The following NEGR1 variants were observed in gnomAD, a reference collection of about 807,000 sequenced individuals.
NEGR1 encodes the protein neuronal growth regulator 1.
A neutral mutation model predicts 40.9 loss-of-function variants in NEGR1; 10 were observed. The ratio of observed to expected loss-of-function variants is 0.24; its 90% CI spans 0.15 to 0.42. The LOEUF (loss-of-function observed/expected upper bound fraction) is 0.42. Among genes scored for constraint, NEGR1 ranks in the 10% least tolerant of loss-of-function variants. The pLI is 1.00. For synonymous variants in NEGR1, 185 were observed against 166.8 expected (o/e 1.11, Z -0.84); for missense variants, 352 against 438.9 (o/e 0.80, Z 1.77).
At chr1:71,440,302 A>T (rs1277488320) in intron 6 of NEGR1, among the ~76,000 whole-genome samples, 2 of 152,216 alleles carry the variant, frequency 1.3e-5, no homozygotes, top group Non-Finnish European at 2.9e-5. Flanking sequence ...ATGAGCATTG[A>T]TTCAATTTAC....
chr1:72,229,109 T>C (rs948770343), intron 1 of NEGR1, among the ~76,000 whole-genome samples: 1 of 152,058 alleles, frequency 6.6e-6, no homozygotes, highest in Admixed American at 6.6e-5. Flanking sequence ...CATTCCGTTA[T>C]ATGTAGGTTA....
chr1:72,135,211 C>A (rs1215611459), intron 1 of NEGR1, among the ~76,000 whole-genome samples: 2 of 149,488 alleles, frequency 1.3e-5, no homozygotes, highest in Non-Finnish European at 3.0e-5. Context: ...CCCGTCTGTA[C>A]TAAAAATACA....
chr1:72,234,183 C>T (rs188103746), intron 1 of NEGR1, among the ~76,000 whole-genome samples: 36 of 152,100 alleles, frequency 2.4e-4, no homozygotes, highest in East Asian at 2.3e-3. Context: ...CTCCTCCATG[C>T]GTTCATGTAT....
chr1:71,705,747 A>G (rs1334425173), intron 3 of NEGR1, among the ~76,000 whole-genome samples: 1 of 151,860 alleles, frequency 6.6e-6, no homozygotes, highest in Non-Finnish European at 1.5e-5. Flanking sequence ...AAAAGAAAGA[A>G]AAGAAAATAA....
At position 71,582,815 on chromosome 1, in the gene NEGR1, G is replaced by A. The variant is rs75065394; in HGVS notation, c.940+10002C>T. On this transcript the variant is annotated intron_variant, in intron 6 of 6. Transcript: ENST00000357731. Reference sequence around the variant, plus strand: ...GCACTCCAGGGCTAAAGCTGAAAGCGCACAGAATTGCCTGAGTAATTCAAT... The same window carrying A: ...GCACTCCAGGGCTAAAGCTGAAAGCACACAGAATTGCCTGAGTAATTCAAT... Among the ~76,000 whole-genome samples the A allele has an allele frequency of 8.1e-3, 1,229 of 152,318 alleles. 20 individuals carry two copies. Among genetic ancestry groups the A allele is most frequent in the African/African-American group, 0.028 (1,167 of 41,560 alleles).
intron 1 of NEGR1, among the ~76,000 whole-genome samples, chr1:72,016,007 A>G (rs1445232721): frequency 2.0e-5 from 3 of 152,160 alleles, no homozygotes; most frequent in Non-Finnish European, 4.4e-5. Context: ...AGTGACTTCT[A>G]TTTTAAGTTA....
rs1296538068 is a variant in NEGR1 at position 71,399,925 on chromosome 1, G to A, written c.*7521C>T. The stretch of plus-strand genomic sequence containing the variant: ...GCTTTAGCATATTATAGTCTTCAAC[G>A]AATATTTTGTAAGTTTTTTTTCTAA... On this transcript the variant is annotated 3_prime_UTR_variant, in exon 7 of 7. Transcript: ENST00000357731. 1 of 152,098 alleles carries A rather than the reference G, an allele frequency of 6.6e-6. No individual in the cohort carries two copies. The highest frequency in any genetic ancestry group is 1.9e-4 in the East Asian group (1 of 5,184). The allele number at this position is 152,098 out of a possible 1,614,324, so 9.4% of individuals were successfully genotyped here. A position where few individuals can be genotyped will look rare whatever the true frequency, so the allele number is the denominator to read the frequency against.
Position 71,664,780 on chromosome 1 carries a change from C to T in NEGR1, c.667+33228G>A, listed in dbSNP as rs145991038. Among the ~76,000 whole-genome samples, 729 of 152,068 alleles carry T rather than the reference C, an allele frequency of 4.8e-3. 1 individual carries two copies. The highest frequency in any genetic ancestry group is 6.8e-3 in the Middle Eastern group (2 of 294). ...GGTTAGAGTATATTTTACAAAATAT[C>T]TCTTTGTGTTTCTGACACCCTTTTC... On this transcript the variant is annotated intron_variant, in intron 4 of 6. Transcript: ENST00000357731.
At chr1:71,562,395 G>A (rs1648490002) in intron 6 of NEGR1, among the ~76,000 whole-genome samples, 1 of 146,256 alleles carries the variant, frequency 6.8e-6, no homozygotes, top group African/African-American at 2.5e-5. Context: ...AAAATATGAA[G>A]AGCAAATATA....
chr1:72,052,488 A>T (rs1364918470), intron 1 of NEGR1, among the ~76,000 whole-genome samples: 1 of 151,446 alleles, frequency 6.6e-6, no homozygotes, highest in Non-Finnish European at 1.5e-5. Flanking sequence ...AGAAGCCCTA[A>T]TTCCACTTCG....
intron 5 of NEGR1, among the ~76,000 whole-genome samples, chr1:71,595,663 A>T (rs1386516790): frequency 6.6e-6 from 1 of 152,178 alleles, no homozygotes; most frequent in Non-Finnish European, 1.5e-5. Flanking sequence ...GCAACCCATG[A>T]TCTCTGCTCT....
intron 1 of NEGR1, among the ~76,000 whole-genome samples, chr1:72,186,905 A>C (rs1219907431): frequency 6.6e-6 from 1 of 151,568 alleles, no homozygotes; most frequent in African/African-American, 2.4e-5. Context: ...ATCTTCATTC[A>C]CCACTAGAGG....
chr1:71,884,146 C>T (rs1660660165), intron 2 of NEGR1, among the ~76,000 whole-genome samples: 1 of 152,156 alleles, frequency 6.6e-6, no homozygotes, highest in South Asian at 2.1e-4. Flanking sequence ...TCATTCCCTC[C>T]TTACTCCATC....
At chr1:71,428,764 A>G (rs1457553468) in intron 6 of NEGR1, among the ~76,000 whole-genome samples, 1 of 151,610 alleles carries the variant, frequency 6.6e-6, no homozygotes, top group Non-Finnish European at 1.5e-5. Flanking sequence ...AGATACATAA[A>G]TGTTGGAGCC....
At chr1:71,526,540 A>G (rs1016375716) in intron 6 of NEGR1, among the ~76,000 whole-genome samples, 3 of 151,486 alleles carry the variant, frequency 2.0e-5, no homozygotes, top group Non-Finnish European at 4.4e-5. Context: ...CCCACCACCC[A>G]CAGAGAGAGG....
chr1:72,057,054 C>T (rs529270614), intron 1 of NEGR1, among the ~76,000 whole-genome samples: 1 of 151,588 alleles, frequency 6.6e-6, no homozygotes, highest in Admixed American at 6.6e-5. Flanking sequence ...GTTTTAGAAG[C>T]TCTTTCTTTC....
chr1:71,840,674 G>C (rs1287955739), intron 2 of NEGR1, among the ~76,000 whole-genome samples: 2 of 152,130 alleles, frequency 1.3e-5, no homozygotes, highest in Admixed American at 1.3e-4. Flanking sequence ...AACTTGGAAT[G>C]CTATAAATAG....
At chr1:72,011,355 G>T (rs1281578394) in intron 1 of NEGR1, among the ~76,000 whole-genome samples, 1 of 152,086 alleles carries the variant, frequency 6.6e-6, no homozygotes, top group African/African-American at 2.4e-5. Flanking sequence ...GAAAGGGAAG[G>T]TTAGGATTTG....
rs79907193 is a variant in NEGR1 at position 72,053,329 on chromosome 1, A to G, written c.177-118018T>C. On this transcript the variant is annotated intron_variant, in intron 1 of 6. Coordinates refer to ENST00000357731, the MANE Select transcript of NEGR1 (RefSeq NM_173808.3). ...GGTAACTGGGTAAGGTAAAAGATAT[A>G]TCAACAAATTATATGTAATAATTTA... Among the ~76,000 whole-genome samples, 880 of 149,380 alleles carry G rather than the reference A, an allele frequency of 5.9e-3. 5 individuals are homozygous for G. Among genetic ancestry groups the G allele is most frequent in the African/African-American group, 0.021 (841 of 40,904 alleles).
Sources: allele counts gnomAD v4.1 joint callset (sites outside exome capture counted in the v4.1 genomes callset), GRCh38; gene constraint gnomAD v4.1.1; transcripts MANE v1.5; gene names NCBI Gene and HGNC (gene_info 2026-07-23, HGNC 2026-07-21).